The following CALD1 variants were observed in gnomAD, a reference collection of about 807,000 sequenced individuals.
CALD1 encodes the protein caldesmon 1, also known as caldesmon.
In CALD1, 33 loss-of-function variants were observed where a neutral mutation model predicts 99.9. The ratio of observed to expected loss-of-function variants is 0.33; its 90% CI spans 0.25 to 0.44. CALD1 has a LOEUF of 0.44. Ranked by LOEUF, CALD1 falls within the 20% of genes least tolerant of loss-of-function variation. The probability of loss-of-function intolerance (pLI) is 1.00; values close to 1 mark genes in which losing one functional copy is unlikely to be tolerated. For synonymous variants in CALD1, 310 were observed against 325.0 expected (o/e 0.95, Z 0.50); for missense variants, 861 against 962.1 (o/e 0.89, Z 1.39).
chr7:134,905,377 CTAA>C (rs1448979034), intron 3 of CALD1, among the ~76,000 whole-genome samples: 5 of 152,058 alleles, frequency 3.3e-5, no homozygotes, highest in Non-Finnish European at 7.3e-5. Flanking sequence ...CCGTGGTTAG[CTAA>C]TAATGTGTTA....
chr7:134,897,082 T>C (rs566141953), intron 3 of CALD1, among the ~76,000 whole-genome samples: 9 of 152,330 alleles, frequency 5.9e-5, no homozygotes, highest in Non-Finnish European at 7.4e-5. Flanking sequence ...CCAAGCCTAA[T>C]TGAATTTTTA....
intron 3 of CALD1, among the ~76,000 whole-genome samples, chr7:134,903,230 T>A (rs149721696): frequency 1.8e-4 from 28 of 152,228 alleles, no homozygotes; most frequent in South Asian, 6.2e-4. Flanking sequence ...GGTATGACAC[T>A]ACATTTGTCC....
chr7:134,865,320 T>A (rs1274628298), intron 2 of CALD1, among the ~76,000 whole-genome samples: 1 of 151,982 alleles, frequency 6.6e-6, no homozygotes, highest in Non-Finnish European at 1.5e-5. Context: ...AGAGCCATTT[T>A]CATAAACACA....
chr7:134,910,284 C>T (rs1017286193), intron 3 of CALD1, among the ~76,000 whole-genome samples: 2 of 152,042 alleles, frequency 1.3e-5, no homozygotes, highest in Admixed American at 6.6e-5. Flanking sequence ...CAAGACAGCC[C>T]GTGATAGGGT....
intron 1 of CALD1, among the ~76,000 whole-genome samples, chr7:134,793,682 T>G (rs1046887190): frequency 4.6e-5 from 7 of 152,118 alleles, no homozygotes; most frequent in Admixed American, 4.6e-4. Flanking sequence ...GAAGGGGCAG[T>G]TAATAATTTC....
At chr7:134,948,925 G>A (rs980597872) in intron 8 of CALD1, among the ~76,000 whole-genome samples, 2 of 151,820 alleles carry the variant, frequency 1.3e-5, no homozygotes, top group African/African-American at 4.8e-5. Context: ...CCAGGCTGGA[G>A]TGCAGGAATG....
chr7:134,722,231 A>G, the CALD1 span, among the ~76,000 whole-genome samples: 1 of 151,840 alleles, frequency 6.6e-6, no homozygotes, highest in Non-Finnish European at 1.5e-5. Flanking sequence ...CCTCTCTTCT[A>G]TTGTTCCTTT....
chr7:134,887,178 C>G (rs1031347032), intron 3 of CALD1, among the ~76,000 whole-genome samples: 9 of 152,144 alleles, frequency 5.9e-5, no homozygotes, highest in Admixed American at 5.2e-4. Context: ...TGTGATTTTT[C>G]CACAGCAGCT....
intron 1 of CALD1, among the ~76,000 whole-genome samples, chr7:134,769,909 A>T (rs1796863541): frequency 6.6e-6 from 1 of 152,274 alleles, no homozygotes; most frequent in East Asian, 1.9e-4. Context: ...AAGTACTGGG[A>T]TTGCAGGTGG....
intron 1 of CALD1, among the ~76,000 whole-genome samples, chr7:134,785,018 A>G (rs1797252938): frequency 2.0e-5 from 3 of 152,288 alleles, no homozygotes; most frequent in East Asian, 1.9e-4. Flanking sequence ...CTAAGGATGA[A>G]TTACTCTAAT....
chr7:134,845,460 T>C (rs952728843), intron 2 of CALD1, among the ~76,000 whole-genome samples: 5 of 152,102 alleles, frequency 3.3e-5, no homozygotes, highest in African/African-American at 9.7e-5. Flanking sequence ...AAAGGTGTGA[T>C]TGACTAATAG....
At chr7:134,932,376 C>T (rs779757132) in intron 4 of CALD1, among the ~76,000 whole-genome samples, 119 of 152,184 alleles carry the variant, frequency 7.8e-4, no homozygotes, top group Admixed American at 1.4e-3. Flanking sequence ...TTCTAGATGA[C>T]TTGATGACAT....
At chr7:134,736,234 A>C in the CALD1 span, among the ~76,000 whole-genome samples, 1 of 152,224 alleles carries the variant, frequency 6.6e-6, no homozygotes, top group Admixed American at 6.5e-5. Flanking sequence ...TCAAATGAAG[A>C]GAATAAGTGT....
At chr7:134,957,222 T>C (rs1753280600) in intron 9 of CALD1, among the ~76,000 whole-genome samples, 1 of 152,150 alleles carries the variant, frequency 6.6e-6, no homozygotes, top group Non-Finnish European at 1.5e-5. Context: ...TTGACCCTTG[T>C]CAAGTTAGGA....
intron 2 of CALD1, among the ~76,000 whole-genome samples, chr7:134,866,377 AC>A (rs549694429): frequency 1.8e-4 from 28 of 152,230 alleles, no homozygotes; most frequent in Admixed American, 5.2e-4. Flanking sequence ...CCAAATAAAC[AC>A]CAAGATTTGA....
chr7:134,878,413 A>G (rs574089407), intron 3 of CALD1, among the ~76,000 whole-genome samples: 1 of 152,214 alleles, frequency 6.6e-6, no homozygotes, highest in African/African-American at 2.4e-5. Context: ...TACTAAAAAT[A>G]CAAAAATTAG....
chr7:134,754,723 T>C (rs572641881), intron 1 of CALD1, among the ~76,000 whole-genome samples: 2 of 129,194 alleles, frequency 1.5e-5, no homozygotes, highest in Admixed American at 1.7e-4. Context: ...TTTCACCACA[T>C]ATAGAGTTCA....
chr7:134,896,595 C>A (rs1380964855), intron 3 of CALD1, among the ~76,000 whole-genome samples: 1 of 152,192 alleles, frequency 6.6e-6, no homozygotes, highest in Non-Finnish European at 1.5e-5. Flanking sequence ...ATGGCCAGCC[C>A]ACCCACACTC....
intron 1 of CALD1, among the ~76,000 whole-genome samples, chr7:134,795,835 C>T (rs1003538527): frequency 2.0e-5 from 3 of 152,078 alleles, no homozygotes; most frequent in African/African-American, 4.8e-5. Context: ...GAAGATGCGA[C>T]GGTGGAATGG....
Sources: gnomAD v4.1 joint callset for allele counts (sites outside exome capture counted in the v4.1 genomes callset) on GRCh38, gnomAD v4.1.1 for gene constraint, MANE v1.5 for transcripts, NCBI Gene and HGNC (gene_info 2026-07-23, HGNC 2026-07-21) for gene names.